Variants in IGFBP1 observed in about 807,000 individuals in gnomAD.
IGFBP1 encodes the protein insulin-like growth factor-binding protein 1.
A neutral mutation model predicts 23.1 loss-of-function variants in IGFBP1; 31 were observed. The ratio of observed to expected loss-of-function variants is 1.34; its 90% confidence interval spans 1.01 to 1.81. The LOEUF (loss-of-function observed/expected upper bound fraction) is 1.81. IGFBP1 is among the 40% of genes most tolerant of loss of function. The probability of loss-of-function intolerance (pLI) is 0.00; values close to 1 mark genes in which losing one functional copy is unlikely to be tolerated. For missense variants in IGFBP1, 333 were observed against 342.2 expected, an observed-to-expected ratio of 0.97 and a Z score of 0.21; for synonymous variants, 148 against 145.5, an observed-to-expected ratio of 1.02 and a Z score of -0.13.
chr7:45,890,828 G>T, intron 2 of IGFBP1, 111 bp downstream of exon 2: 1 of 954,898 alleles, frequency 1.0e-6, no homozygotes. Flanking sequence ...GCCCTGGAAA[G>T]AAATGCTTTT....
chr7:45,891,615 G>A (rs536687953), intron 2 of IGFBP1, among the ~76,000 whole-genome samples: 29 of 152,334 alleles, frequency 1.9e-4, no homozygotes, highest in Non-Finnish European at 4.0e-4. Context: ...TTCAGTAGGT[G>A]GCAGGAAGAG....
At chr7:45,889,285 T>A (rs1053755082) in intron 1 of IGFBP1, among the ~76,000 whole-genome samples, 1 of 152,168 alleles carries the variant, frequency 6.6e-6, no homozygotes, top group African/African-American at 2.4e-5. Flanking sequence ...CACTTGGCCC[T>A]CGTAGCCCAG....
At chr7:45,889,469 A>T (rs1420582447) in intron 1 of IGFBP1, among the ~76,000 whole-genome samples, 2 of 152,172 alleles carry the variant, frequency 1.3e-5, no homozygotes, top group African/African-American at 2.4e-5. Context: ...CCTCCCCAGG[A>T]GGTGTTTGGA....
chr7:45,889,447 C>A (rs992763347), intron 1 of IGFBP1, among the ~76,000 whole-genome samples: 2 of 152,208 alleles, frequency 1.3e-5, no homozygotes, highest in Non-Finnish European at 2.9e-5. Context: ...AGAAGGGAAT[C>A]CCTCCTGCTG....
chr7:45,888,850 TCTGGGCGCCGCGTGCGGCGTGGCGA>T lies in IGFBP1; in HGVS notation c.202_226del (p.Gly68HisfsTer54), dbSNP rs1191705257. ...GCTGTTGCCCGATGTGCGCCCTGCCTCTGGGCGCCGCGTGCGGCGTGGCGACTGCACGCTGCGCCCGGGGACTCAG... is the reference window on the plus strand; with the variant it reads ...GCTGTTGCCCGATGTGCGCCCTGCCTCTGCACGCTGCGCCCGGGGACTCAG... On this transcript the variant is annotated frameshift_variant, in exon 1 of 4. Transcript: ENST00000275525. LOFTEE classifies it high-confidence loss of function. The T allele has an allele frequency of 3.9e-6, 6 of 1,523,062 alleles. No homozygotes were observed. The highest frequency in any genetic ancestry group is 4.4e-6 in the Non-Finnish European group (5 of 1,144,562). The allele number at this position is 1,523,062 out of a possible 1,614,324, so 94.3% of individuals were successfully genotyped here.
intron 2 of IGFBP1, 115 bp from the exon 3 acceptor site, chr7:45,891,817 G>C: frequency 1.0e-6 from 1 of 991,072 alleles, no homozygotes. Flanking sequence ...CCAGGTCCCC[G>C]TGGCCAGATC....
intron 3 of IGFBP1, among the ~76,000 whole-genome samples, chr7:45,892,691 G>T (rs1237727432): frequency 6.6e-6 from 1 of 152,186 alleles, no homozygotes; most frequent in Non-Finnish European, 1.5e-5. Context: ...CTGACATCAG[G>T]CTATGAAGCA....
rs1787032795 is a variant in IGFBP1, at chr7:45,888,994, T to A, written c.342T>A (p.His114Gln). 2.0e-6 allele frequency: 3 copies of A among 1,515,644 alleles called. No homozygotes were observed. Among genetic ancestry groups the A allele is most frequent in the Middle Eastern group, 2.3e-4 (1 of 4,390 alleles). The allele number at this position is 1,515,644 out of a possible 1,614,324, so 93.9% of individuals were successfully genotyped here. ...CVQESDASAP[H>Q]AAEAGSPESP... ...AGGAGTCTGACGCCTCCGCTCCCCA[T>A]GCTGCAGGTACCACAGTCCCGCCCC... Residue 114 changes from histidine to glutamine, a missense_variant, in exon 1 of 4, where the codon CAT becomes CAA. Transcript: ENST00000275525.
chr7:45,891,876 A>G, intron 2 of IGFBP1, 56 bp from the exon 3 acceptor site: 1 of 1,549,908 alleles, frequency 6.5e-7, no homozygotes, highest in Non-Finnish European at 8.8e-7. Flanking sequence ...GTCATTGTCT[A>G]GGCTGATAAT....
At chr7:45,889,789 G>C (rs901392846) in intron 1 of IGFBP1, among the ~76,000 whole-genome samples, 3 of 152,144 alleles carry the variant, frequency 2.0e-5, no homozygotes, top group Non-Finnish European at 4.4e-5. Flanking sequence ...ACCCTGATAG[G>C]GTGTTAGAGT....
chr7:45,888,603 C>T lies in IGFBP1; in HGVS notation c.-50C>T. On this transcript the variant is annotated 5_prime_UTR_variant, in exon 1 of 4. Coordinates refer to ENST00000275525, the MANE Select transcript of IGFBP1 (RefSeq NM_000596.4). Reference sequence around the variant, plus strand: ...GCCCAGAGTTTGGGCCACCGCCCGCCGCCACCAGCCCAGAGAGCATCGGCC... The same window carrying T: ...GCCCAGAGTTTGGGCCACCGCCCGCTGCCACCAGCCCAGAGAGCATCGGCC... 1 of 1,506,658 alleles carries T rather than the reference C, an allele frequency of 6.6e-7. No individual in the cohort carries two copies. Among genetic ancestry groups the T allele is most frequent in the Non-Finnish European group, 9.0e-7 (1 of 1,113,802 alleles). The allele number at this position is 1,506,658 out of a possible 1,614,324, so 93.3% of individuals were successfully genotyped here.
At position 45,892,022 on chromosome 7, in the gene IGFBP1, C is replaced by T. The variant is rs369361373; in HGVS notation, c.610C>T (p.Pro204Ser). ...SGEEISKFYL[P>S]NCNKNGFYHS... ...AGAAGAAATTTCCAAATTTTACCTG[C>T]CAAACTGCAACAAGAATGGATTTTA... Residue 204 changes from proline (P) to serine (S), a missense_variant, in exon 3 of 4, where the codon CCA (proline) becomes TCA (serine). Coordinates refer to ENST00000275525, the MANE Select transcript of IGFBP1 (RefSeq NM_000596.4). The T allele has an allele frequency of 9.3e-6, 15 of 1,614,044 alleles. No individual in the cohort carries two copies. The highest frequency in any genetic ancestry group is 1.1e-5 in the Non-Finnish European group (13 of 1,180,024).
At position 45,892,073 on chromosome 7, in the gene IGFBP1, G is replaced by A. The variant is rs1478063235; in HGVS notation, c.648+13G>A. On this transcript the variant is annotated intron_variant, in intron 3 of 3. Transcript: ENST00000275525. ...TCACAGCAGACAGGTAGGTGGCCTTGCCAGTGTGCGTCGTCAGGGTGAAAG... is the reference window on the plus strand; with the variant it reads ...TCACAGCAGACAGGTAGGTGGCCTTACCAGTGTGCGTCGTCAGGGTGAAAG... 1 of 1,613,636 alleles carries A rather than the reference G, an allele frequency of 6.2e-7. No homozygotes were observed. Among genetic ancestry groups the A allele is most frequent in the Non-Finnish European group, 8.5e-7 (1 of 1,179,776 alleles).
chr7:45,888,916 G>T lies in IGFBP1; in HGVS notation c.264G>T (p.Pro88=). The change falls in exon 1 of 4, where the codon CCG becomes CCT. Residue 88 remains proline, a synonymous_variant. Transcript: ENST00000275525. The part of the protein sequence containing the change: ...CARGLSCRAL[P]GEQQPLHALT... Reference sequence around the variant, plus strand: ...GGGGACTCAGTTGCCGCGCGCTGCCGGGGGAGCAGCAACCTCTGCACGCCC... The same window carrying T: ...GGGGACTCAGTTGCCGCGCGCTGCCTGGGGAGCAGCAACCTCTGCACGCCC... 6.6e-7 allele frequency: 1 copy of T among 1,503,782 alleles called. No homozygotes were observed. Among genetic ancestry groups the T allele is most frequent in the Non-Finnish European group, 8.8e-7 (1 of 1,136,832 alleles). The allele number at this position is 1,503,782 out of a possible 1,614,324, so 93.2% of individuals were successfully genotyped here.
At chr7:45,892,083 G>C in intron 3 of IGFBP1, 23 bp downstream of exon 3, 1 of 1,612,442 alleles carries the variant, frequency 6.2e-7, no homozygotes, top group Non-Finnish European at 8.5e-7. Flanking sequence ...GCCAGTGTGC[G>C]TCGTCAGGGT....
intron 3 of IGFBP1, 41 bp from the exon 4 acceptor site, chr7:45,892,919 C>T (rs1787101915): frequency 2.5e-6 from 4 of 1,596,028 alleles, no homozygotes; most frequent in African/African-American, 1.3e-5. Flanking sequence ...TCCCTGTCAG[C>T]TTGTCATCTG....
intron 1 of IGFBP1, among the ~76,000 whole-genome samples, chr7:45,889,525 A>T: frequency 6.6e-6 from 1 of 152,250 alleles, no homozygotes; most frequent in East Asian, 1.9e-4. Flanking sequence ...TGCTTCCCAG[A>T]TGTTTACAGA....
chr7:45,888,794 T>A lies in IGFBP1; in HGVS notation c.142T>A (p.Cys48Ser). Residue 48 changes from cysteine (C) to serine (S), a missense_variant, in exon 1 of 4, where the codon TGC (cysteine) becomes AGC (serine). Physicochemically the swap from Cys to Ser is moderately radical, Grantham distance 112 (BLOSUM62 -1). Transcript: ENST00000275525. ...LALCPPVSAS[C>S]SEVTRSAGCG... ...GCTCTGCCCGCCGGTGTCCGCCTCG[T>A]GCTCGGAGGTCACCCGGTCCGCCGG... is the stretch of plus-strand genomic sequence containing the variant. 1 of 1,575,122 alleles carries A rather than the reference T, an allele frequency of 6.3e-7. No homozygotes were observed.
chr7:45,892,189 C>A, intron 3 of IGFBP1, 129 bp downstream of exon 3: 1 of 931,988 alleles, frequency 1.1e-6, no homozygotes, highest in South Asian at 1.7e-5. Flanking sequence ...TTGTATTGAG[C>A]CAGATCCACC....
Sources: gnomAD v4.1 joint callset for allele counts (sites outside exome capture counted in the v4.1 genomes callset) on GRCh38, gnomAD v4.1.1 for gene constraint, MANE v1.5 for transcripts, NCBI Gene and HGNC (gene_info 2026-07-23, HGNC 2026-07-21) for gene names.